Variants in STIM1 observed in about 807,000 individuals in gnomAD.
STIM1 encodes the protein stromal interaction molecule 1.
A neutral mutation model predicts 74.7 loss-of-function variants in STIM1; 25 were observed. The ratio of observed to expected loss-of-function variants is 0.33; its 90% CI spans 0.24 to 0.47. The LOEUF (loss-of-function observed/expected upper bound fraction) is 0.47, where lower values mean the gene tolerates loss of function less well. STIM1 is among the 20% of genes least tolerant of loss of function. STIM1 has a pLI of 1.00. For missense variants in STIM1, 728 were observed against 920.8 expected (o/e 0.79, Z 2.71); for synonymous variants, 328 against 348.8 (o/e 0.94, Z 0.66).
rs1165469279 is a variant in STIM1 at position 4,092,929 on chromosome 11, G to T, written c.*1131G>T. 2 of 152,362 alleles carry T rather than the reference G, an allele frequency of 1.3e-5. No individual in the cohort carries two copies. Among genetic ancestry groups the T allele is most frequent in the African/African-American group, 4.8e-5 (2 of 41,444 alleles). 9.4% of individuals were successfully genotyped at this position (152,362 alleles called of 1,614,324 possible). ...GAAGATGGTATAGGTGAAGGCGGCT[G>T]TGTGACCACTTTCCCCCACCCTTCC... On this transcript the variant is annotated 3_prime_UTR_variant, in exon 13 of 13. Transcript: ENST00000526596.
chr11:4,023,785 G>T, intron 2 of STIM1, 88 bp from the exon 3 acceptor site: 1 of 883,920 alleles, frequency 1.1e-6, no homozygotes. Flanking sequence ...AATGTGTTAT[G>T]GCTAGCTAGA....
intron 1 of STIM1, among the ~76,000 whole-genome samples, chr11:3,884,141 A>G (rs910627407): frequency 3.3e-5 from 5 of 152,148 alleles, no homozygotes; most frequent in Admixed American, 1.3e-4. Flanking sequence ...ATCACCTCAC[A>G]AGGGTCTGGA....
intron 2 of STIM1, among the ~76,000 whole-genome samples, chr11:4,013,909 G>A (rs527846607): frequency 4.0e-5 from 6 of 151,612 alleles, no homozygotes; most frequent in African/African-American, 7.3e-5. Context: ...GGGTTTCACC[G>A]TGTTAGCCAG....
intron 1 of STIM1, among the ~76,000 whole-genome samples, chr11:3,898,194 A>C (rs1211948891): frequency 3.3e-5 from 5 of 150,166 alleles, no homozygotes; most frequent in Non-Finnish European, 7.4e-5. Context: ...TGACTTTTTA[A>C]TGATTGCCAT....
At chr11:4,006,178 C>G (rs926752276) in intron 2 of STIM1, among the ~76,000 whole-genome samples, 31 of 152,102 alleles carry the variant, frequency 2.0e-4, no homozygotes, top group African/African-American at 7.2e-4. Flanking sequence ...TGAGTGAGTT[C>G]TCATGAGATC....
At chr11:4,084,010 A>C (rs568199583) in intron 10 of STIM1, among the ~76,000 whole-genome samples, 46 of 152,314 alleles carry the variant, frequency 3.0e-4, no homozygotes, top group South Asian at 1.2e-3. Context: ...CTTGCCCAGG[A>C]GGGATCTCCT....
At chr11:4,076,485 C>CAAAAAA (rs58804386) in intron 7 of STIM1, among the ~76,000 whole-genome samples, 1 of 40,762 alleles carries the variant, frequency 2.5e-5, no homozygotes, top group Non-Finnish European at 4.0e-5. Flanking sequence ...GACTCCATCT[C>CAAAAAA]AAAAAAAAAA....
At chr11:4,046,616 T>A (rs113948137) in intron 3 of STIM1, among the ~76,000 whole-genome samples, 8 of 152,132 alleles carry the variant, frequency 5.3e-5, no homozygotes, top group Non-Finnish European at 8.8e-5. Flanking sequence ...TTGCATCACA[T>A]CCTGGGCTGA....
intron 2 of STIM1, among the ~76,000 whole-genome samples, chr11:3,970,229 GC>G (rs1342702760): frequency 6.6e-6 from 1 of 152,122 alleles, no homozygotes; most frequent in African/African-American, 2.4e-5. Context: ...TCTTCTCTGC[GC>G]CAGTGGTGAG....
At chr11:3,915,876 C>G (rs1383261216) in intron 1 of STIM1, among the ~76,000 whole-genome samples, 2 of 151,892 alleles carry the variant, frequency 1.3e-5, no homozygotes, top group African/African-American at 2.4e-5. Context: ...GCCAACATGG[C>G]AAAACTCTGT....
intron 1 of STIM1, among the ~76,000 whole-genome samples, chr11:3,899,640 A>C (rs1365925837): frequency 6.6e-6 from 1 of 151,300 alleles, no homozygotes; most frequent in African/African-American, 2.4e-5. Flanking sequence ...TCAGTATGAT[A>C]TTGGCTGTGG....
intron 2 of STIM1, among the ~76,000 whole-genome samples, chr11:4,003,944 T>G (rs904611744): frequency 5.9e-5 from 9 of 152,042 alleles, no homozygotes; most frequent in Non-Finnish European, 1.3e-4. Flanking sequence ...TATACACCAA[T>G]AACAGACAAA....
At chr11:3,893,125 T>C (rs1246817332) in intron 1 of STIM1, among the ~76,000 whole-genome samples, 1 of 152,200 alleles carries the variant, frequency 6.6e-6, no homozygotes, top group Admixed American at 6.5e-5. Flanking sequence ...ATGTCATCCC[T>C]TCCAGTACTC....
At chr11:3,895,967 C>G (rs1177481906) in intron 1 of STIM1, among the ~76,000 whole-genome samples, 5 of 148,480 alleles carry the variant, frequency 3.4e-5, no homozygotes, top group Non-Finnish European at 5.9e-5. Flanking sequence ...TGTAGTGGCG[C>G]GATCTCGGCT....
Position 3,882,749 on chromosome 11 carries a change from A to C in STIM1, c.139+26340A>C, listed in dbSNP as rs528550298. On this transcript the variant is annotated intron_variant, in intron 1 of 12. Transcript: ENST00000526596. ...ACAAACTCTTTTTCACAGCAGCTGA[A>C]CCACTTTTTACTTATACCAGCAATG... Among the ~76,000 whole-genome samples the C allele has an allele frequency of 3.3e-5, 5 of 152,340 alleles. No individual in the cohort carries two copies. In the South Asian group the frequency reaches 1.0e-3, roughly 32 times the overall value.
intron 1 of STIM1, among the ~76,000 whole-genome samples, chr11:3,896,174 G>A (rs1417041139): frequency 6.6e-6 from 1 of 151,956 alleles, no homozygotes; most frequent in East Asian, 1.9e-4. Flanking sequence ...AAAGTGCTGG[G>A]ATTACAGGCG....
chr11:4,051,119 T>C (rs1342065178), intron 3 of STIM1, among the ~76,000 whole-genome samples: 3 of 152,196 alleles, frequency 2.0e-5, no homozygotes, highest in Non-Finnish European at 2.9e-5. Context: ...ATAAAATTCA[T>C]GTATAAATGG....
intron 1 of STIM1, among the ~76,000 whole-genome samples, chr11:3,943,487 T>G (rs1286812454): frequency 6.6e-6 from 1 of 152,222 alleles, no homozygotes; most frequent in Non-Finnish European, 1.5e-5. Flanking sequence ...CAATAAAGAC[T>G]GTAAGCTGGT....
intron 1 of STIM1, among the ~76,000 whole-genome samples, chr11:3,887,041 A>T (rs569539016): frequency 6.6e-6 from 1 of 152,156 alleles, no homozygotes; most frequent in East Asian, 1.9e-4. Flanking sequence ...CATATACTCA[A>T]GGAGTTTCCA....
Sources: gnomAD v4.1 joint callset for allele counts (sites outside exome capture counted in the v4.1 genomes callset) on GRCh38, gnomAD v4.1.1 for gene constraint, MANE v1.5 for transcripts, NCBI Gene and HGNC (gene_info 2026-07-23, HGNC 2026-07-21) for gene names.